Variants in CPQ observed in about 807,000 individuals in gnomAD.
CPQ encodes Ser-Met dipeptidase.
Under a neutral mutation model 45.7 loss-of-function variants are expected in CPQ, and 37 were observed. The ratio of observed to expected loss-of-function variants is 0.81; its 90% CI spans 0.62 to 1.07. The LOEUF (loss-of-function observed/expected upper bound fraction) is 1.07. CPQ is among the 50% of genes least tolerant of loss of function. The pLI, the probability that CPQ is intolerant of heterozygous loss-of-function variation, is 0.00. For synonymous variants in CPQ, 186 were observed against 205.8 expected, an observed-to-expected ratio of 0.90 and a Z score of 0.82; for missense variants, 537 against 572.9, an observed-to-expected ratio of 0.94 and a Z score of 0.64.
chr8:96,951,941 G>A lies in CPQ; in HGVS notation c.850-13994G>A, dbSNP rs184898939. On this transcript the variant is annotated intron_variant, in intron 4 of 7. Coordinates refer to ENST00000220763, the MANE Select transcript of CPQ (RefSeq NM_016134.4). Reference sequence around the variant, plus strand: ...TTTAAAGAGTTTACACTATGTGCCCGGAATATGATCATGATAAACAAGTCA... The same window carrying A: ...TTTAAAGAGTTTACACTATGTGCCCAGAATATGATCATGATAAACAAGTCA... Among the ~76,000 whole-genome samples, 36 of 151,862 alleles carry A rather than the reference G, an allele frequency of 2.4e-4. No homozygotes were observed. The East Asian group carries it at 5.3e-3, about 22-fold the overall frequency.
chr8:96,897,142 T>C (rs1003183189), intron 4 of CPQ, among the ~76,000 whole-genome samples: 6 of 152,182 alleles, frequency 3.9e-5, no homozygotes, highest in Non-Finnish European at 8.8e-5. Flanking sequence ...GGAAGATTGT[T>C]TTTTCAGAGT....
rs184316745 is a variant in CPQ at position 96,721,988 on chromosome 8, C to G, written c.-34-62876C>G. On this transcript the variant is annotated intron_variant, in intron 1 of 7. Transcript: ENST00000220763. Reference sequence around the variant, plus strand: ...TTTAACTTCTTCTGGTAGTCCTATACCAGGATAGAGGCCCTGTTTTATGTT... The same window carrying G: ...TTTAACTTCTTCTGGTAGTCCTATAGCAGGATAGAGGCCCTGTTTTATGTT... 3.3e-5 allele frequency among the ~76,000 whole-genome samples: 5 copies of G among 152,268 alleles called. No homozygotes were observed. The East Asian group carries it at 9.7e-4, about 29-fold the overall frequency.
intron 2 of CPQ, among the ~76,000 whole-genome samples, chr8:96,822,784 C>G (rs1240219950): frequency 6.6e-6 from 1 of 152,014 alleles, no homozygotes; most frequent in African/African-American, 2.4e-5. Flanking sequence ...ATTCTTGTCT[C>G]CATTCTTCTT....
At chr8:97,122,981 T>TAAATAAAATAAAATAAA (rs1224428408) in intron 7 of CPQ, among the ~76,000 whole-genome samples, 2 of 24,270 alleles carry the variant, frequency 8.2e-5, no homozygotes, top group Non-Finnish European at 1.4e-4. Flanking sequence ...TAAAATAAAA[T>TAAATAAAATAAAATAAA]TAAAATAAAA....
At chr8:96,996,410 A>G (rs1397514485) in intron 5 of CPQ, among the ~76,000 whole-genome samples, 1 of 152,028 alleles carries the variant, frequency 6.6e-6, no homozygotes, top group Non-Finnish European at 1.5e-5. Flanking sequence ...TTTAGATAAC[A>G]TGACCACCAA....
At chr8:96,804,510 A>T (rs1234743328) in intron 2 of CPQ, among the ~76,000 whole-genome samples, 2 of 152,114 alleles carry the variant, frequency 1.3e-5, no homozygotes, top group African/African-American at 4.8e-5. Context: ...TATTATTAGT[A>T]GTATAATTTT....
At chr8:97,020,765 T>C (rs1445170144) in intron 5 of CPQ, among the ~76,000 whole-genome samples, 4 of 152,012 alleles carry the variant, frequency 2.6e-5, no homozygotes, top group Non-Finnish European at 4.4e-5. Context: ...CAACACCAGA[T>C]GGATTCACCC....
intron 2 of CPQ, among the ~76,000 whole-genome samples, chr8:96,794,717 G>C (rs1810902611): frequency 6.6e-6 from 1 of 152,132 alleles, no homozygotes; most frequent in Non-Finnish European, 1.5e-5. Flanking sequence ...CAGCACCCAA[G>C]TCACATCTTG....
chr8:96,823,091 A>C (rs1192987848), intron 2 of CPQ, among the ~76,000 whole-genome samples: 3 of 151,952 alleles, frequency 2.0e-5, no homozygotes, highest in Admixed American at 6.6e-5. Flanking sequence ...TCTGCATTTG[A>C]GTGACCAGGA....
intron 1 of CPQ, among the ~76,000 whole-genome samples, chr8:96,700,019 A>G (rs975844315): frequency 3.9e-5 from 6 of 152,164 alleles, no homozygotes; most frequent in African/African-American, 1.4e-4. Context: ...AAAGTGGACT[A>G]CTAGACAAGA....
rs1008789903 is a variant in CPQ, at chr8:96,923,460, C to T, written c.850-42475C>T. 8.5e-5 allele frequency among the ~76,000 whole-genome samples: 13 copies of T among 152,146 alleles called. 1 individual carries two copies. The highest frequency in any genetic ancestry group is 2.9e-4 in the African/African-American group (12 of 41,428). Reference sequence around the variant, plus strand: ...GTCACCTTCTTCAACTTATTTTTCTCTTTTTCCCCTCTCAAATGTCATTTT... The same window carrying T: ...GTCACCTTCTTCAACTTATTTTTCTTTTTTTCCCCTCTCAAATGTCATTTT... On this transcript the variant is annotated intron_variant, in intron 4 of 7. Transcript: ENST00000220763.
At chr8:96,920,745 C>T (rs570757727) in intron 4 of CPQ, among the ~76,000 whole-genome samples, 1 of 152,188 alleles carries the variant, frequency 6.6e-6, no homozygotes, top group South Asian at 2.1e-4. Context: ...CACAAAGGGA[C>T]ACTAGGGGCA....
chr8:96,857,935 AG>A (rs1811871804), intron 3 of CPQ, among the ~76,000 whole-genome samples: 1 of 152,218 alleles, frequency 6.6e-6, no homozygotes, highest in Admixed American at 6.5e-5. Flanking sequence ...GGCCCTGCAA[AG>A]TCAATGTCTG....
intron 1 of CPQ, among the ~76,000 whole-genome samples, chr8:96,707,282 G>A (rs1809542715): frequency 6.6e-6 from 1 of 152,092 alleles, no homozygotes; most frequent in Non-Finnish European, 1.5e-5. Flanking sequence ...CACTGGAAAT[G>A]TGGCTATTGA....
At chr8:97,087,168 T>G (rs1465531613) in intron 7 of CPQ, among the ~76,000 whole-genome samples, 1 of 152,122 alleles carries the variant, frequency 6.6e-6, no homozygotes, top group Non-Finnish European at 1.5e-5. Flanking sequence ...CTTCCACAGG[T>G]GCCTGTTAAC....
chr8:96,703,989 C>T (rs1222247107), intron 1 of CPQ, among the ~76,000 whole-genome samples: 1 of 152,132 alleles, frequency 6.6e-6, no homozygotes, highest in African/African-American at 2.4e-5. Flanking sequence ...TGTTCTTTGG[C>T]ATCTTGGAAA....
At chr8:96,827,270 GT>G (rs1352902610) in intron 2 of CPQ, among the ~76,000 whole-genome samples, 2 of 151,894 alleles carry the variant, frequency 1.3e-5, no homozygotes, top group East Asian at 1.9e-4. Flanking sequence ...TTCTTCTGCT[GT>G]TTTTTTCTCC....
At chr8:97,123,164 AAATAAAATAAAAT>A in intron 7 of CPQ, among the ~76,000 whole-genome samples, 1 of 125,446 alleles carries the variant, frequency 8.0e-6, no homozygotes, top group African/African-American at 3.2e-5. Context: ...AAATAAAATA[AAATAAAATAAAAT>A]ATAAAATAAA....
chr8:97,138,223 C>T (rs1238310745), intron 7 of CPQ, among the ~76,000 whole-genome samples: 1 of 152,114 alleles, frequency 6.6e-6, no homozygotes, highest in Non-Finnish European at 1.5e-5. Flanking sequence ...AATAATTAGC[C>T]CAAGTTACCC....
Sources: allele counts gnomAD v4.1 joint callset (sites outside exome capture counted in the v4.1 genomes callset), GRCh38; gene constraint gnomAD v4.1.1; transcripts MANE v1.5; gene names NCBI Gene and HGNC (gene_info 2026-07-23, HGNC 2026-07-21).